GALNTL6: variants seen among roughly 807,000 people sequenced by gnomAD.
GALNTL6 encodes the protein polypeptide N-acetylgalactosaminyltransferase like 6.
Under a neutral mutation model 73.7 loss-of-function variants are expected in GALNTL6, and 46 were observed. That is an observed-to-expected ratio of 0.62 (90% CI 0.49 to 0.80). The LOEUF (loss-of-function observed/expected upper bound fraction) is 0.80. Ranked by LOEUF, GALNTL6 falls within the 30% of genes least tolerant of loss-of-function variation. The pLI is 0.00. For missense variants in GALNTL6, 604 were observed against 755.0 expected (o/e 0.80, Z 2.34); for synonymous variants, 259 against 263.7 (o/e 0.98, Z 0.17).
chr4:172,038,335 CT>C (rs34535879), intron 2 of GALNTL6, among the ~76,000 whole-genome samples: 60,552 of 151,626 alleles, frequency 0.4, 13,337 homozygotes, highest in South Asian at 0.53. Context: ...GTATTTTTTT[CT>C]TCTCTTTTAA....
intron 11 of GALNTL6, among the ~76,000 whole-genome samples, chr4:173,019,327 G>C (rs1273947345): frequency 6.6e-6 from 1 of 152,198 alleles, no homozygotes; most frequent in Admixed American, 6.5e-5. Context: ...CCGGCATACT[G>C]GTGAGAGTTG....
intron 4 of GALNTL6, among the ~76,000 whole-genome samples, chr4:172,316,920 A>T (rs1740579942): frequency 6.6e-6 from 1 of 152,118 alleles, no homozygotes; most frequent in Admixed American, 6.6e-5. Context: ...CAGGTTCCAA[A>T]GCAGAAAAAA....
intron 10 of GALNTL6, among the ~76,000 whole-genome samples, chr4:173,000,987 T>G (rs1457712384): frequency 6.6e-6 from 1 of 152,184 alleles, no homozygotes; most frequent in Non-Finnish European, 1.5e-5. Context: ...ATTCTGAGTA[T>G]GGTGGGCCCC....
chr4:172,339,257 C>CACCACACACA (rs1183829946), intron 4 of GALNTL6, among the ~76,000 whole-genome samples: 1 of 120,952 alleles, frequency 8.3e-6, no homozygotes, highest in African/African-American at 3.3e-5. Context: ...CACACACACA[C>CACCACACACA]CACACACACA....
intron 7 of GALNTL6, among the ~76,000 whole-genome samples, chr4:172,858,783 AT>A (rs566486266): frequency 6.6e-6 from 1 of 152,190 alleles, no homozygotes; most frequent in Non-Finnish European, 1.5e-5. Context: ...CCCAAAAAAA[AT>A]GGCCCCACTC....
chr4:171,994,432 G>A (rs920010921), intron 2 of GALNTL6, among the ~76,000 whole-genome samples: 1 of 152,080 alleles, frequency 6.6e-6, no homozygotes, highest in African/African-American at 2.4e-5. Context: ...GATCAGAGCT[G>A]TGTCCTAATG....
At chr4:172,023,756 T>C (rs953272809) in intron 2 of GALNTL6, among the ~76,000 whole-genome samples, 2 of 151,910 alleles carry the variant, frequency 1.3e-5, no homozygotes, top group African/African-American at 2.4e-5. Flanking sequence ...GGTCATTCTT[T>C]ATATTCGAGT....
chr4:172,477,327 G>A (rs969350755), intron 5 of GALNTL6, among the ~76,000 whole-genome samples: 2 of 151,980 alleles, frequency 1.3e-5, no homozygotes, highest in East Asian at 1.9e-4. Context: ...AGATAAAAAA[G>A]CAAATAAAAT....
intron 2 of GALNTL6, among the ~76,000 whole-genome samples, chr4:172,025,906 GT>G (rs111368128): frequency 3.1e-4 from 47 of 152,034 alleles, no homozygotes; most frequent in African/African-American, 1.1e-3. Context: ...TTATCCACAT[GT>G]TAATTCAAGT....
chr4:172,325,843 G>A (rs13117314), intron 4 of GALNTL6, among the ~76,000 whole-genome samples: 24,836 of 151,458 alleles, frequency 0.16, 2,225 homozygotes, highest in Middle Eastern at 0.2. Flanking sequence ...GCAGAAAAGG[G>A]GAACTATTTG....
intron 5 of GALNTL6, among the ~76,000 whole-genome samples, chr4:172,747,728 C>T (rs745716770): frequency 1.3e-5 from 2 of 150,332 alleles, no homozygotes; most frequent in Non-Finnish European, 3.0e-5. Context: ...ATGTTCATTG[C>T]AACATTATTC....
chr4:172,639,297 T>C (rs755770879), intron 5 of GALNTL6, among the ~76,000 whole-genome samples: 47 of 152,156 alleles, frequency 3.1e-4, no homozygotes, highest in Admixed American at 5.9e-4. Flanking sequence ...TCCGTTGATC[T>C]TTCCGATGTT....
At chr4:172,403,450 A>G (rs1407142282) in intron 5 of GALNTL6, among the ~76,000 whole-genome samples, 2 of 152,098 alleles carry the variant, frequency 1.3e-5, no homozygotes, top group East Asian at 3.8e-4. Flanking sequence ...TAAATCTTTC[A>G]TGAACTAACG....
chr4:172,477,343 A>C (rs888365393), intron 5 of GALNTL6, among the ~76,000 whole-genome samples: 1 of 152,144 alleles, frequency 6.6e-6, no homozygotes, highest in African/African-American at 2.4e-5. Context: ...AAAATTTAGG[A>C]TAATGTAAGA....
At chr4:172,021,291 G>C (rs1329823683) in intron 2 of GALNTL6, among the ~76,000 whole-genome samples, 1 of 151,846 alleles carries the variant, frequency 6.6e-6, no homozygotes, top group Non-Finnish European at 1.5e-5. Flanking sequence ...AGAGCAATCA[G>C]AAAAGAGGAA....
In GALNTL6 at chr4:172,696,329, C is replaced by T. The variant is rs192447115; in HGVS notation, c.554-113032C>T. Among the ~76,000 whole-genome samples, 5 of 152,324 alleles carry T rather than the reference C, an allele frequency of 3.3e-5. No individual in the cohort carries two copies. The East Asian group carries it at 7.7e-4, about 24-fold the overall frequency. The stretch of plus-strand genomic sequence containing the variant: ...AAAAGACTGTTTTCCTGTTGTTTCA[C>T]ATAATTTTAAATATCTAAACAACCT... On this transcript the variant is annotated intron_variant, in intron 5 of 12. Transcript: ENST00000506823.
chr4:172,255,673 T>C (rs1738049716), intron 3 of GALNTL6, among the ~76,000 whole-genome samples: 1 of 151,442 alleles, frequency 6.6e-6, no homozygotes, highest in Non-Finnish European at 1.5e-5. Context: ...ACGTTGAAAA[T>C]ATATACACCA....
rs372476967 is a variant in GALNTL6 at position 172,975,729 on chromosome 4, G to A, written c.1371+23471G>A. ...CCTCAGCCCCCCTTCCATGCTCATC[G>A]GCGAGGGGGCTAAGGGAGGAGGAGC... On this transcript the variant is annotated intron_variant, in intron 10 of 12. Transcript: ENST00000506823. Among the ~76,000 whole-genome samples the A allele has an allele frequency of 2.0e-3, 311 of 152,250 alleles. 6 individuals are homozygous for A. In the South Asian group the frequency reaches 0.058, roughly 28 times the overall value.
At chr4:172,910,814 C>G (rs1358663405) in intron 8 of GALNTL6, among the ~76,000 whole-genome samples, 8 of 152,012 alleles carry the variant, frequency 5.3e-5, no homozygotes, top group Admixed American at 4.6e-4. Context: ...CCCAGGGTAG[C>G]TTCTTTTCCT....
Sources: gnomAD v4.1 joint callset for allele counts (sites outside exome capture counted in the v4.1 genomes callset) on GRCh38, gnomAD v4.1.1 for gene constraint, MANE v1.5 for transcripts, NCBI Gene and HGNC (gene_info 2026-07-23, HGNC 2026-07-21) for gene names.